Variants in VPS13B observed in about 807,000 individuals in gnomAD.
The protein encoded by VPS13B is vacuolar protein sorting 13 homolog B, also known as intermembrane lipid transfer protein VPS13B.
A neutral mutation model predicts 426.4 loss-of-function variants in VPS13B; 285 were observed. That is an observed-to-expected ratio of 0.67 (90% confidence interval 0.61 to 0.74). The LOEUF (loss-of-function observed/expected upper bound fraction) is 0.74. Ranked by LOEUF, VPS13B falls within the 30% of genes least tolerant of loss-of-function variation. The pLI, the probability that VPS13B is intolerant of heterozygous loss-of-function variation, is 0.00. For missense variants in VPS13B, 4,537 were observed against 4,782.6 expected (o/e 0.95, Z 1.51); for synonymous variants, 1,676 against 1,676.4 (o/e 1.00, Z 0.01).
chr8:99,478,447 G>GTTTTTTTTTTTTTTTTTGTTT (rs1819826219), intron 24 of VPS13B, among the ~76,000 whole-genome samples: 3 of 85,778 alleles, frequency 3.5e-5, no homozygotes, highest in African/African-American at 5.1e-5. Context: ...TTTTTGTTTT[G>GTTTTTTTTTTTTTTTTTGTTT]TTTTTTTTTT....
rs1030235559 is a variant in VPS13B, at chr8:99,520,969, C to T, written c.4704C>T (p.Asp1568=). 1.2e-6 allele frequency: 2 copies of T among 1,613,766 alleles called. No individual in the cohort carries two copies. The highest frequency in any genetic ancestry group is 1.7e-6 in the Non-Finnish European group (2 of 1,179,714). ...CTGTTGCCATGGCTCCCCAGGCTGA[C>T]AATCCCCTTGGCAGATCTGTCCTTA... ...IGSVAMAPQA[D]NPLGRSVLRK... Residue 1568 remains aspartate (D), a synonymous_variant, in exon 30 of 62, where the codon GAC becomes GAT. Coordinates refer to ENST00000357162, the MANE Select transcript of VPS13B (RefSeq NM_152564.5).
intron 19 of VPS13B, among the ~76,000 whole-genome samples, chr8:99,308,228 G>A (rs367805163): frequency 3.3e-4 from 50 of 150,648 alleles, no homozygotes; most frequent in Middle Eastern, 3.5e-3. Context: ...TGTGCACAAC[G>A]TGCAGGTTAG....
chr8:99,226,737 G>T (rs530205672), intron 17 of VPS13B, among the ~76,000 whole-genome samples: 1 of 152,046 alleles, frequency 6.6e-6, no homozygotes, highest in Non-Finnish European at 1.5e-5. Flanking sequence ...CATTTTCTCT[G>T]TGTAAAGAAA....
intron 35 of VPS13B, among the ~76,000 whole-genome samples, chr8:99,676,521 T>C (rs1229751457): frequency 6.6e-6 from 1 of 151,914 alleles, no homozygotes; most frequent in Non-Finnish European, 1.5e-5. Context: ...TTACATTCAC[T>C]TCCTTCTAGT....
Position 99,835,195 on chromosome 8 carries a change from A to C in VPS13B, c.9615-2A>C, listed in dbSNP as rs386834120. The C allele has an allele frequency of 3.1e-6, 5 of 1,613,932 alleles. No homozygotes were observed. The highest frequency in any genetic ancestry group is 4.2e-6 in the Non-Finnish European group (5 of 1,179,928). On this transcript the variant is annotated splice_acceptor_variant, in intron 52 of 61. Coordinates refer to ENST00000357162, the MANE Select transcript of VPS13B (RefSeq NM_152564.5). LOFTEE classifies it high-confidence loss of function. ...CTGTCATTTGACTTGATTCTCTTCC[A>C]GGGCTATAGTGCTGACATATCAAGA...
chr8:99,695,075 T>C (rs1436405519), intron 35 of VPS13B, among the ~76,000 whole-genome samples: 1 of 147,682 alleles, frequency 6.8e-6, no homozygotes, highest in Non-Finnish European at 1.5e-5. Context: ...TGTGGAGAAA[T>C]AGGAACACTT....
chr8:99,135,726 A>G lies in VPS13B; in HGVS notation c.1556A>G (p.His519Arg). ...GCAGAATTTATCTTGGATTCAACTC[A>G]TCATAAGGTTAGAGAATATATATTT... is the stretch of plus-strand genomic sequence containing the variant. ...TRAEFILDST[H>R]HKETYTEIAG... Residue 519 changes from histidine to arginine, a missense_variant, in exon 11 of 62, where the codon CAT (histidine) becomes CGT (arginine). Transcript: ENST00000357162. 6.2e-7 allele frequency: 1 copy of G among 1,613,246 alleles called. No homozygotes were observed. Among genetic ancestry groups the G allele is most frequent in the Non-Finnish European group, 8.5e-7 (1 of 1,179,400 alleles).
chr8:99,376,499 T>C (rs1342200636), intron 19 of VPS13B, among the ~76,000 whole-genome samples: 1 of 152,116 alleles, frequency 6.6e-6, no homozygotes, highest in East Asian at 1.9e-4. Flanking sequence ...CTTACATAGG[T>C]TGGTGAAGTA....
At chr8:99,307,525 C>G (rs1018527653) in intron 19 of VPS13B, among the ~76,000 whole-genome samples, 1 of 151,950 alleles carries the variant, frequency 6.6e-6, no homozygotes, top group African/African-American at 2.4e-5. Flanking sequence ...TATTGAGATA[C>G]TGAGTCCCTT....
chr8:99,046,055 T>G lies in VPS13B; in HGVS notation c.291+7489T>G, dbSNP rs573330012. ...CTCATTTTTTGGTTTCCTACGAATTTTAGGATTTTTTTCTAGTTCTGTGAA... is the reference window on the plus strand; with the variant it reads ...CTCATTTTTTGGTTTCCTACGAATTGTAGGATTTTTTTCTAGTTCTGTGAA... On this transcript the variant is annotated intron_variant, in intron 3 of 61. Transcript: ENST00000357162. Among the ~76,000 whole-genome samples, 14 of 152,262 alleles carry G rather than the reference T, an allele frequency of 9.2e-5. No homozygotes were observed. The East Asian group carries it at 2.7e-3, about 29-fold the overall frequency.
chr8:99,237,386 G>A (rs1206601515), intron 17 of VPS13B, among the ~76,000 whole-genome samples: 1 of 152,100 alleles, frequency 6.6e-6, no homozygotes, highest in African/African-American at 2.4e-5. Flanking sequence ...TTTTATCACT[G>A]TTATCTTTCA....
At chr8:99,260,130 G>A (rs763229302) in intron 17 of VPS13B, among the ~76,000 whole-genome samples, 6 of 152,020 alleles carry the variant, frequency 3.9e-5, no homozygotes, top group Admixed American at 1.3e-4. Flanking sequence ...AGCCAAAGAC[G>A]CTATAAGTGA....
In VPS13B at chr8:99,545,609, T is replaced by C. The variant is rs117717008; in HGVS notation, c.4746-10841T>C. On this transcript the variant is annotated intron_variant, in intron 30 of 61. Coordinates refer to ENST00000357162, the MANE Select transcript of VPS13B (RefSeq NM_152564.5). ...ATAGGTTACATAGCCTCAATGCTGA[T>C]AGATTTCACGAAATTGTGTCAGATT... Among the ~76,000 whole-genome samples, 91 of 152,280 alleles carry C rather than the reference T, an allele frequency of 6.0e-4. 1 individual carries two copies. The East Asian group carries it at 0.015, about 25-fold the overall frequency.
At chr8:99,080,721 ATTGT>A (rs1186640715) in intron 3 of VPS13B, among the ~76,000 whole-genome samples, 1 of 152,202 alleles carries the variant, frequency 6.6e-6, no homozygotes, top group Non-Finnish European at 1.5e-5. Context: ...TTGTTGTAAG[ATTGT>A]TTAAGGCTGT....
chr8:99,563,588 G>T (rs1415164918), intron 31 of VPS13B, among the ~76,000 whole-genome samples: 1 of 152,164 alleles, frequency 6.6e-6, no homozygotes. Context: ...AGGTTTCACA[G>T]AGTGCATGGC....
At chr8:99,571,292 G>A (rs181075082) in intron 31 of VPS13B, among the ~76,000 whole-genome samples, 1 of 151,770 alleles carries the variant, frequency 6.6e-6, no homozygotes, top group Admixed American at 6.5e-5. Flanking sequence ...ATTCTTAATT[G>A]TAGTTATTCA....
At chr8:99,160,068 G>A (rs1194885330) in intron 15 of VPS13B, among the ~76,000 whole-genome samples, 1 of 151,814 alleles carries the variant, frequency 6.6e-6, no homozygotes, top group African/African-American at 2.4e-5. Flanking sequence ...TATATGTACT[G>A]GGAAACCAAA....
chr8:99,822,758 G>A (rs1472187639), intron 50 of VPS13B, among the ~76,000 whole-genome samples: 2 of 151,918 alleles, frequency 1.3e-5, no homozygotes, highest in Non-Finnish European at 2.9e-5. Context: ...TTGTTTCTGT[G>A]GGTTATATCA....
At chr8:99,176,325 C>T (rs531834267) in intron 16 of VPS13B, among the ~76,000 whole-genome samples, 8 of 152,038 alleles carry the variant, frequency 5.3e-5, no homozygotes, top group East Asian at 1.9e-4. Flanking sequence ...TTAGTAGGGA[C>T]GAGGTTTCAT....
Sources: allele counts gnomAD v4.1 joint callset (sites outside exome capture counted in the v4.1 genomes callset), GRCh38; gene constraint gnomAD v4.1.1; transcripts MANE v1.5; gene names NCBI Gene and HGNC (gene_info 2026-07-23, HGNC 2026-07-21).